The following PKHD1L1 variants were observed in gnomAD, a reference collection of about 807,000 sequenced individuals.
PKHD1L1 encodes the protein fibrocystin-L.
PKHD1L1 carries 434 observed loss-of-function variants against 462.9 expected under a neutral mutation model. That is an observed-to-expected ratio of 0.94 (90% CI 0.87 to 1.02). The LOEUF is 1.02. Among genes scored for constraint, PKHD1L1 ranks in the 50% least tolerant of loss-of-function variants. The probability of loss-of-function intolerance (pLI) is 0.00; values close to 1 mark genes in which losing one functional copy is unlikely to be tolerated. For missense variants in PKHD1L1, 5,202 were observed against 5,096.1 expected (o/e 1.02, Z -0.63); for synonymous variants, 1,781 against 1,750.0 (o/e 1.02, Z -0.44).
chr8:109,445,809 A>G (rs1816106377), intron 38 of PKHD1L1, among the ~76,000 whole-genome samples, 164 bp downstream of exon 38: 1 of 152,104 alleles, frequency 6.6e-6, no homozygotes. Flanking sequence ...CTATTGTATG[A>G]TTATTTTTCA....
chr8:109,393,916 C>T (rs1251721499), intron 9 of PKHD1L1, among the ~76,000 whole-genome samples: 3 of 152,198 alleles, frequency 2.0e-5, no homozygotes, highest in Middle Eastern at 3.4e-3. Flanking sequence ...GTGGCTCACG[C>T]CTGTAATCCC....
chr8:109,404,517 G>C, intron 14 of PKHD1L1, 37 bp from the exon 15 acceptor site: 1 of 1,326,818 alleles, frequency 7.5e-7, no homozygotes, highest in South Asian at 1.9e-5. Context: ...AAGTGTTCTG[G>C]AAAAAAGTTA....
intron 77 of PKHD1L1, among the ~76,000 whole-genome samples, chr8:109,528,905 G>T (rs1411274154): frequency 6.6e-6 from 1 of 152,100 alleles, no homozygotes; most frequent in Admixed American, 6.6e-5. Context: ...TGGGCAAATT[G>T]TAAAGAGCTT....
intron 73 of PKHD1L1, 52 bp downstream of exon 73, chr8:109,518,560 C>G: frequency 7.1e-7 from 1 of 1,409,090 alleles, no homozygotes; most frequent in Non-Finnish European, 9.6e-7. Context: ...AAATCCATAT[C>G]CATAAATAAC....
At chr8:109,393,408 G>A (rs1812802367) in intron 9 of PKHD1L1, among the ~76,000 whole-genome samples, 1 of 152,036 alleles carries the variant, frequency 6.6e-6, no homozygotes, top group East Asian at 1.9e-4. Flanking sequence ...TAAAGTAACA[G>A]CATTTAATTT....
chr8:109,394,509 G>C (rs370573554), intron 10 of PKHD1L1, 24 bp downstream of exon 10: 43 of 1,422,984 alleles, frequency 3.0e-5, no homozygotes, highest in Non-Finnish European at 4.0e-5. Context: ...CTTTCACTCT[G>C]TTGCGGGGGT....
intron 77 of PKHD1L1, among the ~76,000 whole-genome samples, chr8:109,528,049 CA>C (rs776463589): frequency 1.3e-5 from 2 of 152,110 alleles, no homozygotes; most frequent in Non-Finnish European, 2.9e-5. Context: ...GAATGACAGG[CA>C]GACAGAGACA....
At chr8:109,438,787 T>G in intron 31 of PKHD1L1, 110 bp from the exon 32 acceptor site, 1 of 923,110 alleles carries the variant, frequency 1.1e-6, no homozygotes, top group East Asian at 2.7e-5. Context: ...TGTTAGGATT[T>G]CCTAAATCCA....
chr8:109,420,413 G>A (rs527841336), intron 22 of PKHD1L1, 105 bp from the exon 23 acceptor site: 1 of 586,640 alleles, frequency 1.7e-6, no homozygotes, highest in African/African-American at 1.9e-5. Context: ...TTTATTTTTA[G>A]CAACAGAAGC....
intron 73 of PKHD1L1, 58 bp from the exon 74 acceptor site, chr8:109,522,128 T>A (rs76597258): frequency 6.9e-7 from 1 of 1,455,118 alleles, no homozygotes; most frequent in African/African-American, 1.4e-5. Context: ...AAAACTCTCA[T>A]GTGTTCTCAC....
At position 109,450,978 on chromosome 8, in the gene PKHD1L1, C is replaced by A; in HGVS notation, c.6179C>A (p.Thr2060Lys). 4 of 1,597,070 alleles carry A rather than the reference C, an allele frequency of 2.5e-6. No individual in the cohort carries two copies. In the South Asian group the frequency reaches 3.3e-5, roughly 13 times the overall value. The change falls in exon 41 of 78, where the codon ACG becomes AAG. Residue 2060 changes from threonine to lysine, a missense_variant. Thr to Lys is a moderately conservative substitution (Grantham distance 78). Transcript: ENST00000378402. ...LLCEIPSNNGTGAEQACEVSV... is the reference protein window; with the variant it reads ...LLCEIPSNNGKGAEQACEVSV... ...CAGTCTGATCTTCCTTTCATAGGCA[C>A]GGGAGCTGAGCAAGCCTGTGAAGTG... is the stretch of plus-strand genomic sequence containing the variant.
Position 109,384,196 on chromosome 8 carries a change from G to T in PKHD1L1, c.475+69G>T, listed in dbSNP as rs1245750197. On this transcript the variant is annotated intron_variant, in intron 5 of 77. Transcript: ENST00000378402. Reference sequence around the variant, plus strand: ...ATAATGTGTTTATTTTTTAGTATATGAAATTAGTATAATTCCTGCAATTTT... The same window carrying T: ...ATAATGTGTTTATTTTTTAGTATATTAAATTAGTATAATTCCTGCAATTTT... 1.1e-5 allele frequency: 13 copies of T among 1,164,188 alleles called. No homozygotes were observed. The Admixed American group carries it at 2.7e-4, about 24-fold the overall frequency. 72.1% of individuals were successfully genotyped at this position (1,164,188 alleles called of 1,614,324 possible). A position where few individuals can be genotyped will look rare whatever the true frequency, so the allele number is the denominator to read the frequency against.
At chr8:109,462,047 C>T (rs1817167498) in intron 48 of PKHD1L1, 139 bp downstream of exon 48, 1 of 1,085,570 alleles carries the variant, frequency 9.2e-7, no homozygotes, top group Non-Finnish European at 1.3e-6. Flanking sequence ...AATTTTAATA[C>T]ACCCATTTGA....
chr8:109,428,023 CAAAAAAAAAAAAAAAA>C (rs55963339), intron 25 of PKHD1L1, among the ~76,000 whole-genome samples: 5 of 70,282 alleles, frequency 7.1e-5, no homozygotes, highest in African/African-American at 2.0e-4. Context: ...AACTCCGTCT[CAAAAAAAAAAAAAAAA>C]AAAAAAAAAA....
chr8:109,412,679 A>G (rs1291364198), intron 20 of PKHD1L1, among the ~76,000 whole-genome samples: 15 of 152,064 alleles, frequency 9.9e-5, no homozygotes, highest in Admixed American at 9.8e-4. Context: ...ATATTTGCAC[A>G]CAAGTTTAAA....
chr8:109,450,150 G>A (rs965724534), intron 40 of PKHD1L1, among the ~76,000 whole-genome samples: 2 of 152,124 alleles, frequency 1.3e-5, no homozygotes, highest in African/African-American at 2.4e-5. Context: ...CTCTGCTTCA[G>A]TTTCTCCATG....
At chr8:109,438,084 G>T (rs780773154) in intron 30 of PKHD1L1, among the ~76,000 whole-genome samples, 1 of 152,038 alleles carries the variant, frequency 6.6e-6, no homozygotes, top group Non-Finnish European at 1.5e-5. Flanking sequence ...TAATATAGAT[G>T]CATTTAAATT....
chr8:109,479,780 T>C (rs1818180471), intron 54 of PKHD1L1, 141 bp downstream of exon 54: 1 of 811,986 alleles, frequency 1.2e-6, no homozygotes, highest in Non-Finnish European at 1.9e-6. Context: ...GCATCCCGGA[T>C]ACTAAACCTA....
chr8:109,475,251 G>A lies in PKHD1L1; in HGVS notation c.8739G>A (p.Ser2913=), dbSNP rs760840283. 9.3e-6 allele frequency: 15 copies of A among 1,604,812 alleles called. No homozygotes were observed. The highest frequency in any genetic ancestry group is 2.7e-5 in the African/African-American group (2 of 74,528). ...ACATAACCAACATTTCATATACATC[G>A]ACATTCTATGGATTCAAGGTAAAAA... The part of the protein sequence containing the change: ...VDHITNISYT[S]TFYGFKEEDY... Residue 2913 remains serine, a synonymous_variant, in exon 51 of 78, where the codon TCG becomes TCA. Transcript: ENST00000378402.
Sources: allele counts gnomAD v4.1 joint callset (sites outside exome capture counted in the v4.1 genomes callset), GRCh38; gene constraint gnomAD v4.1.1; transcripts MANE v1.5; gene names NCBI Gene and HGNC (gene_info 2026-07-23, HGNC 2026-07-21).